MTG2: variants seen among roughly 807,000 people sequenced by gnomAD.
MTG2 encodes mitochondrial ribosome-associated GTPase 2.
Under a neutral mutation model 28.6 loss-of-function variants are expected in MTG2, and 23 were observed. That is an observed-to-expected ratio of 0.80 (90% CI 0.58 to 1.14). The LOEUF is 1.14. MTG2 is among the 50% of genes most tolerant of loss of function. MTG2 has a pLI of 0.00. For missense variants in MTG2, 539 were observed against 552.0 expected (o/e 0.98, Z 0.24); for synonymous variants, 260 against 251.8 (o/e 1.03, Z -0.31).
chr20:62,199,157 G>A lies in MTG2; in HGVS notation c.726G>A (p.Arg242=), dbSNP rs771667600. The A allele has an allele frequency of 4.2e-5, 68 of 1,614,008 alleles. 1 individual carries two copies. The Admixed American group carries it at 1.1e-3, about 27-fold the overall frequency. The stretch of plus-strand genomic sequence containing the variant: ...ACGCCGGGAAGTCCTCACTGCTCCG[G>A]GCCATTTCAAACGCCAGACCCGCCG... The part of the protein sequence containing the change: ...FPNAGKSSLL[R]AISNARPAVA... Residue 242 remains arginine (R), a synonymous_variant, in exon 6 of 7, where the codon CGG becomes CGA. Transcript: ENST00000370823.
chr20:62,198,520 C>T (rs531901446), intron 4 of MTG2, 114 bp from the exon 5 acceptor site: 27 of 1,169,556 alleles, frequency 2.3e-5, no homozygotes, highest in East Asian at 2.0e-4. Context: ...GGCAGCTGCC[C>T]GGGGCACAGT....
intron 1 of MTG2, among the ~76,000 whole-genome samples, chr20:62,191,543 T>G (rs6062131): frequency 0.26 from 39,389 of 151,986 alleles, 5,244 homozygotes; most frequent in South Asian, 0.41. Context: ...CCCACAGAGA[T>G]AGTGACCCCC....
intron 6 of MTG2, 140 bp downstream of exon 6, chr20:62,199,397 G>A (rs2058121576): frequency 1.0e-5 from 11 of 1,089,900 alleles, no homozygotes; most frequent in Non-Finnish European, 1.4e-5. Context: ...TGTAACCCCA[G>A]CACTTTGGGA....
intron 1 of MTG2, among the ~76,000 whole-genome samples, chr20:62,185,443 AT>A (rs2057823186): frequency 7.3e-6 from 1 of 136,424 alleles, no homozygotes; most frequent in Admixed American, 7.0e-5. Flanking sequence ...AAAAAATAAA[AT>A]ATATACACAT....
intron 4 of MTG2, 123 bp downstream of exon 4, chr20:62,198,090 T>G (rs959333465): frequency 2.7e-6 from 2 of 734,178 alleles, no homozygotes; most frequent in Non-Finnish European, 4.5e-6. Context: ...AACAGCACAA[T>G]GGAAACGGAG....
chr20:62,194,429 G>A (rs555106464), intron 2 of MTG2, among the ~76,000 whole-genome samples: 4 of 152,208 alleles, frequency 2.6e-5, no homozygotes, highest in Non-Finnish European at 2.9e-5. Context: ...TGTCCTCCAC[G>A]AAGTGCTCAC....
intron 1 of MTG2, among the ~76,000 whole-genome samples, chr20:62,190,641 T>C (rs2057938738): frequency 6.6e-6 from 1 of 152,130 alleles, no homozygotes; most frequent in South Asian, 2.1e-4. Context: ...TACATAATGG[T>C]TAAAAGCAGG....
At chr20:62,187,490 T>C (rs1002351475) in intron 1 of MTG2, among the ~76,000 whole-genome samples, 8 of 152,240 alleles carry the variant, frequency 5.3e-5, no homozygotes, top group African/African-American at 1.9e-4. Context: ...GAGTGTTCTT[T>C]TATAAGAAAT....
chr20:62,194,478 C>T (rs183814617), intron 2 of MTG2, among the ~76,000 whole-genome samples: 1 of 152,220 alleles, frequency 6.6e-6, no homozygotes, highest in Admixed American at 6.5e-5. Flanking sequence ...ATTTTGCTTG[C>T]GTTGGCGCAT....
chr20:62,195,281 T>C (rs1161305289), intron 2 of MTG2, among the ~76,000 whole-genome samples: 1 of 152,196 alleles, frequency 6.6e-6, no homozygotes, highest in Admixed American at 6.5e-5. Context: ...AGCCCTGTTT[T>C]CATCAGGCCC....
intron 6 of MTG2, among the ~76,000 whole-genome samples, 154 bp from the exon 7 acceptor site, chr20:62,200,529 G>A (rs201137793): frequency 1.3e-5 from 2 of 152,030 alleles, no homozygotes; most frequent in Non-Finnish European, 2.9e-5. Context: ...AATGGCTTCA[G>A]TTCAAGGCGT....
Position 62,201,365 on chromosome 20 carries a change from C to A in MTG2, c.*288C>A. 6 of 430,064 alleles carry A rather than the reference C, an allele frequency of 1.4e-5. No individual in the cohort carries two copies. The highest frequency in any genetic ancestry group is 2.5e-5 in the Non-Finnish European group (6 of 238,302). 26.6% of individuals were successfully genotyped at this position (430,064 alleles called of 1,614,324 possible). A position where few individuals can be genotyped will look rare whatever the true frequency, so the allele number is the denominator to read the frequency against. On this transcript the variant is annotated 3_prime_UTR_variant, in exon 7 of 7. Coordinates refer to ENST00000370823, the MANE Select transcript of MTG2 (RefSeq NM_015666.4). ...TAATAAGGGGTTGGGGTGCCCATAA[C>A]GGGGTGGCCCTGCCGCTGACTCAGG...
At chr20:62,194,875 A>C (rs1413408498) in intron 2 of MTG2, among the ~76,000 whole-genome samples, 1 of 152,210 alleles carries the variant, frequency 6.6e-6, no homozygotes, top group Non-Finnish European at 1.5e-5. Flanking sequence ...CTCTTCATCC[A>C]GATTGCACCT....
chr20:62,190,465 C>G (rs1212685588), intron 1 of MTG2, among the ~76,000 whole-genome samples: 1 of 152,214 alleles, frequency 6.6e-6, no homozygotes, highest in Non-Finnish European at 1.5e-5. Flanking sequence ...TTCCTTCAAC[C>G]CGAGGAACTT....
At chr20:62,198,403 A>C (rs2058098711) in intron 4 of MTG2, 1 of 590,438 alleles carries the variant, frequency 1.7e-6, no homozygotes, top group East Asian at 2.8e-5. Context: ...CTATTTGAAA[A>C]AGCCCTTTGT....
chr20:62,191,788 AGGCAGGTATTT>A (rs757673186), intron 1 of MTG2, among the ~76,000 whole-genome samples: 86 of 152,144 alleles, frequency 5.7e-4, no homozygotes, highest in Non-Finnish European at 8.8e-4. Context: ...CTCTGGGAGC[AGGCAGGTATTT>A]GTGCTCATGG....
intron 2 of MTG2, chr20:62,193,915 C>A: frequency 3.0e-6 from 1 of 336,190 alleles, no homozygotes; most frequent in Non-Finnish European, 5.5e-6. Context: ...TACATATATC[C>A]TTTCATATGT....
At chr20:62,185,863 C>T (rs532687565) in intron 1 of MTG2, among the ~76,000 whole-genome samples, 2 of 152,240 alleles carry the variant, frequency 1.3e-5, no homozygotes, top group Admixed American at 6.5e-5. Flanking sequence ...CAAAGAGCAG[C>T]GTGAAAACAG....
At chr20:62,197,783 C>T in intron 3 of MTG2, 69 bp from the exon 4 acceptor site, 1 of 1,365,924 alleles carries the variant, frequency 7.3e-7, no homozygotes, top group East Asian at 2.3e-5. Flanking sequence ...TAAACTGGAC[C>T]CAGACACATC....
Sources: gnomAD v4.1 joint callset for allele counts (sites outside exome capture counted in the v4.1 genomes callset) on GRCh38, gnomAD v4.1.1 for gene constraint, MANE v1.5 for transcripts, NCBI Gene and HGNC (gene_info 2026-07-23, HGNC 2026-07-21) for gene names.